The following SLC44A1 variants were observed in gnomAD, a reference collection of about 807,000 sequenced individuals.
SLC44A1 encodes solute carrier family 44 member 1.
In SLC44A1, 26 loss-of-function variants were observed where a neutral mutation model predicts 79.3. The ratio of observed to expected loss-of-function variants is 0.33; its 90% CI spans 0.24 to 0.46. The LOEUF is 0.46. Among genes scored for constraint, SLC44A1 ranks in the 20% least tolerant of loss-of-function variants. SLC44A1 has a pLI of 1.00. For missense variants in SLC44A1, 688 were observed against 798.1 expected, an observed-to-expected ratio of 0.86 and a Z score of 1.66; for synonymous variants, 263 against 286.2, an observed-to-expected ratio of 0.92 and a Z score of 0.82.
chr9:105,381,266 G>A (rs192406466), intron 13 of SLC44A1, among the ~76,000 whole-genome samples: 180 of 152,094 alleles, frequency 1.2e-3, no homozygotes, highest in African/African-American at 4.1e-3. Flanking sequence ...ATGACCAGGC[G>A]CGGTGGCTCA....
At chr9:105,300,024 C>A in intron 2 of SLC44A1, 1 of 761,184 alleles carries the variant, frequency 1.3e-6, no homozygotes, top group Non-Finnish European at 1.6e-6. Context: ...AGAGTCCCTG[C>A]CAGTGTGCTG....
intron 12 of SLC44A1, among the ~76,000 whole-genome samples, chr9:105,366,892 G>A (rs770959777): frequency 1.3e-5 from 2 of 150,084 alleles, no homozygotes; most frequent in Non-Finnish European, 2.9e-5. Flanking sequence ...ATCCCTCTTT[G>A]CAACTAGCTA....
At chr9:105,379,855 T>C (rs1828408074) in intron 13 of SLC44A1, among the ~76,000 whole-genome samples, 2 of 152,232 alleles carry the variant, frequency 1.3e-5, no homozygotes, top group Admixed American at 1.3e-4. Flanking sequence ...TTACTTTACT[T>C]CCATTTGGTA....
intron 1 of SLC44A1, among the ~76,000 whole-genome samples, chr9:105,272,246 G>A (rs748216288): frequency 1.3e-5 from 2 of 152,092 alleles, no homozygotes; most frequent in Non-Finnish European, 2.9e-5. Context: ...CTGTACTGTA[G>A]ATATTCATTT....
At chr9:105,307,942 A>G (rs539934644) in intron 2 of SLC44A1, among the ~76,000 whole-genome samples, 1 of 152,308 alleles carries the variant, frequency 6.6e-6, no homozygotes, top group East Asian at 1.9e-4. Context: ...ATGAGTAAGT[A>G]CTGACCAGCT....
At chr9:105,378,305 C>T (rs1238849365) in intron 13 of SLC44A1, among the ~76,000 whole-genome samples, 1 of 152,186 alleles carries the variant, frequency 6.6e-6, no homozygotes, top group Admixed American at 6.5e-5. Context: ...CCTCTTTTCA[C>T]TTGGTGTTAC....
At chr9:105,318,776 A>G (rs888443730) in intron 3 of SLC44A1, among the ~76,000 whole-genome samples, 2 of 151,934 alleles carry the variant, frequency 1.3e-5, no homozygotes, top group Admixed American at 1.3e-4. Context: ...TGTTTTGCCA[A>G]TTCTAAATAG....
Position 105,391,934 on chromosome 9 carries a change from A to C in SLC44A1, c.*2878A>C, listed in dbSNP as rs954519420. 2.3e-5 allele frequency: 23 copies of C among 985,188 alleles called. No homozygotes were observed. Among genetic ancestry groups the C allele is most frequent in the Non-Finnish European group, 2.8e-5 (23 of 829,822 alleles). 61.0% of individuals were successfully genotyped at this position (985,188 alleles called of 1,614,324 possible). ...TCTATTGTCAATTGTAGTAGTGACC[A>C]GAGTATCGTGGTTTTTGCCATCAGA... On this transcript the variant is annotated 3_prime_UTR_variant, in exon 16 of 16. Transcript: ENST00000374720.
chr9:105,351,538 A>G lies in SLC44A1; in HGVS notation c.500+3087A>G, dbSNP rs1450140863. Among the ~76,000 whole-genome samples, 62 of 124,652 alleles carry G rather than the reference A, an allele frequency of 5.0e-4. 1 individual carries two copies. Among genetic ancestry groups the G allele is most frequent in the Non-Finnish European group, 5.1e-4 (31 of 61,306 alleles). 81.8% of individuals were successfully genotyped at this position (124,652 alleles called of 152,430 possible). ...ACAGAGCAAGACCCTGTCTGAAAGA[A>G]AGAAAGAAAGAAAGAAAGAGAGAAA... On this transcript the variant is annotated intron_variant, in intron 5 of 15. Transcript: ENST00000374720.
intron 7 of SLC44A1, among the ~76,000 whole-genome samples, chr9:105,359,741 A>G (rs188962274): frequency 5.3e-5 from 8 of 152,268 alleles, no homozygotes; most frequent in African/African-American, 1.7e-4. Context: ...ACATTTTTCC[A>G]GACAATTTTC....
intron 4 of SLC44A1, among the ~76,000 whole-genome samples, chr9:105,342,020 G>C (rs934637913): frequency 6.6e-6 from 1 of 152,098 alleles, no homozygotes; most frequent in African/African-American, 2.4e-5. Context: ...CTTATTTTCA[G>C]CAGGGCATGA....
At chr9:105,269,491 A>G (rs982271918) in intron 1 of SLC44A1, among the ~76,000 whole-genome samples, 6 of 152,070 alleles carry the variant, frequency 3.9e-5, no homozygotes, top group African/African-American at 1.4e-4. Flanking sequence ...CCCAATCTCC[A>G]TTCTTCTATC....
chr9:105,330,328 G>T (rs765623075), intron 3 of SLC44A1, among the ~76,000 whole-genome samples: 1 of 152,168 alleles, frequency 6.6e-6, no homozygotes, highest in Non-Finnish European at 1.5e-5. Flanking sequence ...GGAAAGTTAG[G>T]TTAGTCACCC....
At chr9:105,336,093 G>A (rs1358658644) in intron 4 of SLC44A1, among the ~76,000 whole-genome samples, 2 of 151,568 alleles carry the variant, frequency 1.3e-5, no homozygotes, top group Non-Finnish European at 2.9e-5. Flanking sequence ...AGTTTTATAT[G>A]TTGAAACAAT....
chr9:105,438,130 CTG>C (rs147203232), intron 15 of SLC44A1: 48,728 of 410,784 alleles, frequency 0.12, 460 homozygotes, highest in African/African-American at 0.16. Flanking sequence ...ATTTGTTAAT[CTG>C]TGTGTGTGTG....
Position 105,383,338 on chromosome 9 carries a change from C to T in SLC44A1, c.1848C>T (p.Phe616=). The T allele has an allele frequency of 6.2e-7, 1 of 1,604,652 alleles. No homozygotes were observed. The part of the protein sequence containing the change: ...KYNDGSPGRE[F]YMDKVLMEFV... ...ATGATGGGAGCCCTGGCAGAGAATT[C>T]TATATGGATAAAGTGCTGATGGTAA... Residue 616 remains phenylalanine (F), a synonymous_variant, in exon 14 of 16, where the codon TTC becomes TTT. Coordinates refer to ENST00000374720, the MANE Select transcript of SLC44A1 (RefSeq NM_080546.5).
chr9:105,409,454 A>G (rs7024356), intron 15 of SLC44A1, among the ~76,000 whole-genome samples: 25,134 of 152,136 alleles, frequency 0.17, 4,803 homozygotes, highest in African/African-American at 0.47. Context: ...GGAGGCCAAA[A>G]TGGGAGGGTC....
chr9:105,328,736 T>C (rs1286851840), intron 3 of SLC44A1, among the ~76,000 whole-genome samples: 2 of 152,228 alleles, frequency 1.3e-5, no homozygotes, highest in African/African-American at 2.4e-5. Flanking sequence ...CCATGCTGTT[T>C]AGAATTCAAT....
Position 105,265,541 on chromosome 9 carries a change from CG to C in SLC44A1, c.36+20641del, listed in dbSNP as rs562389313. 5.3e-3 allele frequency among the ~76,000 whole-genome samples: 803 copies of C among 152,276 alleles called. 5 individuals are homozygous for C. Among genetic ancestry groups the C allele is most frequent in the African/African-American group, 0.019 (777 of 41,540 alleles). On this transcript the variant is annotated intron_variant, in intron 1 of 15. Transcript: ENST00000374720. ...TAGTTTATTCACCAGTTGAAGAACA[CG>C]GGGTTGTTTCCAGTTTGGGATGATT... is the stretch of plus-strand genomic sequence containing the variant.
Sources: gnomAD v4.1 joint callset for allele counts (sites outside exome capture counted in the v4.1 genomes callset) on GRCh38, gnomAD v4.1.1 for gene constraint, MANE v1.5 for transcripts, NCBI Gene and HGNC (gene_info 2026-07-23, HGNC 2026-07-21) for gene names.